KCNIP4: variants seen among roughly 807,000 people sequenced by gnomAD.
The protein encoded by KCNIP4 is potassium voltage-gated channel interacting protein 4.
Under a neutral mutation model 34.0 loss-of-function variants are expected in KCNIP4, and 12 were observed. The observed-to-expected ratio is 0.35, with a 90% CI of 0.23 to 0.57. KCNIP4 has a LOEUF of 0.57. Among genes scored for constraint, KCNIP4 ranks in the 20% least tolerant of loss-of-function variants. The pLI is 0.83. For synonymous variants in KCNIP4, 124 were observed against 102.2 expected, an observed-to-expected ratio of 1.21 and a Z score of -1.29; for missense variants, 238 against 311.7, an observed-to-expected ratio of 0.76 and a Z score of 1.78.
chr4:20,819,477 G>A (rs35335925), intron 3 of KCNIP4, among the ~76,000 whole-genome samples: 1 of 151,880 alleles, frequency 6.6e-6, no homozygotes, highest in African/African-American at 2.4e-5. Context: ...GGGCAGGGGG[G>A]ATTTCGGAGC....
chr4:21,230,423 T>A (rs1758708069), intron 1 of KCNIP4, among the ~76,000 whole-genome samples: 1 of 152,154 alleles, frequency 6.6e-6, no homozygotes. Context: ...GCAAGAGTGG[T>A]TTGCTGAACC....
Position 21,732,620 on chromosome 4 carries a change from C to G in KCNIP4, c.61+215951G>C, listed in dbSNP as rs557903548. Among the ~76,000 whole-genome samples the G allele has an allele frequency of 3.3e-4, 50 of 152,286 alleles. 1 individual carries two copies. The highest frequency in any genetic ancestry group is 1.0e-3 in the African/African-American group (43 of 41,564). On this transcript the variant is annotated intron_variant, in intron 1 of 8. Coordinates refer to ENST00000382152, the MANE Select transcript of KCNIP4 (RefSeq NM_025221.6). ...CTTCACTGATGCCTCCCAGAGCCTG[C>G]TCCTAATGAAGAGCCCCTGCCTCCA...
intron 1 of KCNIP4, among the ~76,000 whole-genome samples, chr4:21,200,363 T>C (rs28870781): frequency 2.0e-5 from 2 of 100,610 alleles, no homozygotes; most frequent in Non-Finnish European, 3.6e-5. Context: ...TGTATATATA[T>C]ATACATACAT....
At chr4:20,740,783 T>A (rs1293015160) in intron 5 of KCNIP4, among the ~76,000 whole-genome samples, 1 of 151,638 alleles carries the variant, frequency 6.6e-6, no homozygotes, top group Non-Finnish European at 1.5e-5. Flanking sequence ...AACTGGCAAA[T>A]AGGATTGTCA....
intron 3 of KCNIP4, among the ~76,000 whole-genome samples, chr4:20,788,755 C>T (rs1712333446): frequency 6.6e-6 from 1 of 152,096 alleles, no homozygotes; most frequent in African/African-American, 2.4e-5. Context: ...GAAAAACATA[C>T]CCCAAAGAAT....
rs182444766 is a variant in KCNIP4, at chr4:21,890,815, A to G, written c.61+57756T>C. On this transcript the variant is annotated intron_variant, in intron 1 of 8. Coordinates refer to ENST00000382152, the MANE Select transcript of KCNIP4 (RefSeq NM_025221.6). ...GTCAGCCAGACCCCGATGGATTTCA[A>G]TAGTGATGGTACAATGTCCAAGAAG... Among the ~76,000 whole-genome samples, 320 of 152,256 alleles carry G rather than the reference A, an allele frequency of 2.1e-3. 2 individuals carry two copies. The highest frequency in any genetic ancestry group is 3.8e-3 in the Non-Finnish European group (258 of 68,012).
intron 1 of KCNIP4, among the ~76,000 whole-genome samples, chr4:21,087,556 G>A (rs1746582609): frequency 6.6e-6 from 1 of 152,084 alleles, no homozygotes; most frequent in Admixed American, 6.6e-5. Context: ...CCAAAGTGAT[G>A]GGATTACAGG....
At chr4:21,621,639 C>T (rs149663888) in intron 1 of KCNIP4, among the ~76,000 whole-genome samples, 8 of 152,088 alleles carry the variant, frequency 5.3e-5, no homozygotes, top group African/African-American at 1.9e-4. Flanking sequence ...ATTAGAGGCA[C>T]GAGCCACCAT....
intron 3 of KCNIP4, among the ~76,000 whole-genome samples, chr4:20,824,868 G>T (rs1267612985): frequency 2.6e-5 from 4 of 151,874 alleles, no homozygotes; most frequent in Non-Finnish European, 5.9e-5. Flanking sequence ...AGATAACCCA[G>T]ATAACTTGGT....
chr4:21,091,153 T>C (rs967371616), intron 1 of KCNIP4, among the ~76,000 whole-genome samples: 3 of 152,198 alleles, frequency 2.0e-5, no homozygotes, highest in African/African-American at 7.2e-5. Context: ...TAAAAATATA[T>C]ATTTGCCCAT....
Position 20,739,548 on chromosome 4 carries a change from AC to A in KCNIP4, c.430-4814del, listed in dbSNP as rs747762056. ...TGACAAACAGAAGGGAATAGCATCA[AC>A]ATCAACAAAAAGGACATCCACACCA... On this transcript the variant is annotated intron_variant, in intron 5 of 8. Transcript: ENST00000382152. 1.6e-4 allele frequency among the ~76,000 whole-genome samples: 24 copies of A among 152,338 alleles called. 1 individual carries two copies. The highest frequency in any genetic ancestry group is 5.2e-4 in the Admixed American group (8 of 15,304).
In KCNIP4 at chr4:21,432,091, C is replaced by CATATATATATATATATAT. The variant is rs71655634; in HGVS notation, c.61+516462_61+516479dup. 2.5e-4 allele frequency among the ~76,000 whole-genome samples: 9 copies of CATATATATATATATATAT among 36,416 alleles called. 1 individual carries two copies. Among genetic ancestry groups the CATATATATATATATATAT allele is most frequent in the Non-Finnish European group, 4.0e-4 (7 of 17,682 alleles). The allele number at this position is 36,416 out of a possible 152,430, so 23.9% of individuals were successfully genotyped here. On this transcript the variant is annotated intron_variant, in intron 1 of 8. Transcript: ENST00000382152. ...TGTATTCAATGTGTGAAAATGGAAG[C>CATATATATATATATATAT]ATATATATATATATATATATATATA...
At chr4:21,025,655 G>A (rs989625947) in intron 1 of KCNIP4, among the ~76,000 whole-genome samples, 3 of 135,504 alleles carry the variant, frequency 2.2e-5, no homozygotes, top group African/African-American at 5.5e-5. Flanking sequence ...CCGGGTTCAC[G>A]CCATTCTCCT....
chr4:21,034,745 A>G (rs1007807544), intron 1 of KCNIP4, among the ~76,000 whole-genome samples: 6 of 152,088 alleles, frequency 3.9e-5, no homozygotes, highest in Admixed American at 6.5e-5. Context: ...GAGTTACTGA[A>G]TTAATTAAAA....
intron 1 of KCNIP4, among the ~76,000 whole-genome samples, chr4:21,596,110 TTC>T (rs780181010): frequency 1.8e-4 from 27 of 152,248 alleles, no homozygotes; most frequent in Admixed American, 1.2e-3. Context: ...TCAGCTTTCA[TTC>T]TCTGTTTCTT....
At chr4:21,425,219 G>A (rs1725830777) in intron 1 of KCNIP4, among the ~76,000 whole-genome samples, 1 of 151,982 alleles carries the variant, frequency 6.6e-6, no homozygotes, top group Admixed American at 6.6e-5. Context: ...TAAAATTATA[G>A]GCATAAAATA....
At chr4:21,194,684 G>A (rs2109357768) in intron 1 of KCNIP4, among the ~76,000 whole-genome samples, 1 of 152,192 alleles carries the variant, frequency 6.6e-6, no homozygotes, top group Middle Eastern at 3.4e-3. Context: ...CTACCCCCAT[G>A]CGCTTTGCCT....
intron 2 of KCNIP4, among the ~76,000 whole-genome samples, chr4:20,875,063 ACTT>A (rs1314374319): frequency 6.6e-6 from 1 of 151,992 alleles, no homozygotes; most frequent in Non-Finnish European, 1.5e-5. Flanking sequence ...CACAGTCTCT[ACTT>A]CTTATTCGTG....
At chr4:21,223,552 G>A (rs1758134384) in intron 1 of KCNIP4, among the ~76,000 whole-genome samples, 1 of 152,190 alleles carries the variant, frequency 6.6e-6, no homozygotes, top group African/African-American at 2.4e-5. Context: ...AAATGAAGAA[G>A]AAAGTGGCAC....
Sources: allele counts gnomAD v4.1 joint callset (sites outside exome capture counted in the v4.1 genomes callset), GRCh38; gene constraint gnomAD v4.1.1; transcripts MANE v1.5; gene names NCBI Gene and HGNC (gene_info 2026-07-23, HGNC 2026-07-21).